The following VPS13B variants were observed in gnomAD, a reference collection of about 807,000 sequenced individuals.
The protein encoded by VPS13B is vacuolar protein sorting 13 homolog B.
Under a neutral mutation model 426.4 loss-of-function variants are expected in VPS13B, and 285 were observed. The observed-to-expected ratio is 0.67, with a 90% CI of 0.61 to 0.74. VPS13B has a LOEUF of 0.74. Among genes scored for constraint, VPS13B ranks in the 30% least tolerant of loss-of-function variants. The pLI is 0.00. For synonymous variants in VPS13B, 1,676 were observed against 1,676.4 expected (o/e 1.00, Z 0.01); for missense variants, 4,537 against 4,782.6 (o/e 0.95, Z 1.51).
chr8:99,351,418 AAGAGAGAG>A (rs141684691), intron 19 of VPS13B, among the ~76,000 whole-genome samples: 1 of 147,466 alleles, frequency 6.8e-6, no homozygotes, highest in African/African-American at 2.5e-5. Context: ...CTCCTTCCTC[AAGAGAGAG>A]AGAGAGAGAG....
rs527950476 is a variant in VPS13B at position 99,575,709 on chromosome 8, T to G, written c.5001T>G (p.Asp1667Glu). The change falls in exon 32 of 62, where the codon GAT (aspartate) becomes GAG (glutamate). Residue 1667 changes from aspartate (D) to glutamate (E), a missense_variant. Around this residue, in one of 2 missense-constraint regions of VPS13B, gnomAD observed 4,311 missense variants for 4,474.3 expected, o/e 0.96. Coordinates refer to ENST00000357162, the MANE Select transcript of VPS13B (RefSeq NM_152564.5). Reference protein sequence around the residue: ...RRAILTPVLTDFSVRITGAPA... With the variant: ...RRAILTPVLTEFSVRITGAPA... ...CAATTTTGACCCCCGTTTTGACAGATTTTTCTGTCCGAATAACTGGAGCAC... is the reference window on the plus strand; with the variant it reads ...CAATTTTGACCCCCGTTTTGACAGAGTTTTCTGTCCGAATAACTGGAGCAC... The G allele has an allele frequency of 6.2e-7, 1 of 1,613,864 alleles. No homozygotes were observed. Among genetic ancestry groups the G allele is most frequent in the Admixed American group, 1.7e-5 (1 of 59,966 alleles).
chr8:99,326,766 A>T (rs539186470), intron 19 of VPS13B, among the ~76,000 whole-genome samples: 1 of 152,098 alleles, frequency 6.6e-6, no homozygotes, highest in African/African-American at 2.4e-5. Flanking sequence ...ATCACAATTT[A>T]TTTTATCAAT....
intron 33 of VPS13B, among the ~76,000 whole-genome samples, chr8:99,633,055 C>G (rs1199088776): frequency 6.6e-6 from 1 of 151,932 alleles, no homozygotes; most frequent in Non-Finnish European, 1.5e-5. Context: ...ATTGCTTGAC[C>G]ATTGTCATCA....
At chr8:99,034,595 A>G (rs941638850) in intron 2 of VPS13B, among the ~76,000 whole-genome samples, 2 of 152,122 alleles carry the variant, frequency 1.3e-5, no homozygotes, top group African/African-American at 4.8e-5. Flanking sequence ...ACAACTTTCT[A>G]GACTACCAGT....
intron 2 of VPS13B, among the ~76,000 whole-genome samples, chr8:99,033,074 A>G: frequency 6.6e-6 from 1 of 152,198 alleles, no homozygotes; most frequent in East Asian, 1.9e-4. Flanking sequence ...AACCAGAAGA[A>G]CAAAGGAGAA....
At chr8:99,492,129 C>T (rs1281716291) in intron 25 of VPS13B, among the ~76,000 whole-genome samples, 1 of 152,144 alleles carries the variant, frequency 6.6e-6, no homozygotes, top group African/African-American at 2.4e-5. Flanking sequence ...TCCTCAGCTG[C>T]AGGTCTGTTG....
chr8:99,025,994 A>C (rs1019997251), intron 2 of VPS13B, among the ~76,000 whole-genome samples: 6 of 151,790 alleles, frequency 4.0e-5, no homozygotes, highest in African/African-American at 1.5e-4. Flanking sequence ...TTTGGTCTCT[A>C]TTTCATTTAT....
rs372994848 is a variant in VPS13B, at chr8:99,121,067, A to G, written c.938-110A>G. On this transcript the variant is annotated intron_variant, in intron 7 of 61. Coordinates refer to ENST00000357162, the MANE Select transcript of VPS13B (RefSeq NM_152564.5). ...GTAATAATCACTGTATCATTTGTTT[A>G]TACCTTATATTAGAAGGATATGGGA... 22 of 914,450 alleles carry G rather than the reference A, an allele frequency of 2.4e-5. No individual in the cohort carries two copies. In the East Asian group the frequency reaches 4.5e-4, roughly 19 times the overall value. The allele number at this position is 914,450 out of a possible 1,614,324, so 56.6% of individuals were successfully genotyped here.
chr8:99,668,355 CAAAA>C (rs35852232), intron 35 of VPS13B, among the ~76,000 whole-genome samples: 1 of 94,754 alleles, frequency 1.1e-5, no homozygotes, highest in Non-Finnish European at 2.2e-5. Flanking sequence ...GACCCTGTCT[CAAAA>C]AAAAAAAAAA....
In VPS13B at chr8:99,821,278, G is replaced by A. The variant is rs772319312; in HGVS notation, c.8995-16G>A. 3.9e-5 allele frequency: 63 copies of A among 1,612,670 alleles called. 1 individual carries two copies. In the Middle Eastern group the frequency reaches 8.2e-4, roughly 21 times the overall value. ...GGTAAGAAAATTACTTTATAATTGA[G>A]GCATTATTTTTCCAGGAAGCTTTTC... On this transcript the variant is annotated splice_polypyrimidine_tract_variant and intron_variant, in intron 49 of 61. Transcript: ENST00000357162.
At chr8:99,679,167 G>A (rs1308597501) in intron 35 of VPS13B, among the ~76,000 whole-genome samples, 3 of 151,932 alleles carry the variant, frequency 2.0e-5, no homozygotes, top group Non-Finnish European at 4.4e-5. Flanking sequence ...TTTTTCATAA[G>A]CAGATTAGTA....
chr8:99,581,994 T>C (rs1004914325), intron 33 of VPS13B, among the ~76,000 whole-genome samples: 4 of 152,278 alleles, frequency 2.6e-5, no homozygotes, highest in African/African-American at 9.6e-5. Context: ...TTACATGAGG[T>C]GAGAGTCAAC....
chr8:99,134,987 A>G lies in VPS13B; in HGVS notation c.1303-28A>G, dbSNP rs780333332. 6.6e-5 allele frequency: 106 copies of G among 1,612,572 alleles called. No homozygotes were observed. In the South Asian group the frequency reaches 8.7e-4, roughly 13 times the overall value. ...AACATTTTTATTAAATTCAATTCTTAGTTCTAATGTTTCCTTTCGTCTTAT... is the reference window on the plus strand; with the variant it reads ...AACATTTTTATTAAATTCAATTCTTGGTTCTAATGTTTCCTTTCGTCTTAT... On this transcript the variant is annotated intron_variant, in intron 9 of 61. Coordinates refer to ENST00000357162, the MANE Select transcript of VPS13B (RefSeq NM_152564.5).
chr8:99,060,674 T>G (rs1332979944), intron 3 of VPS13B, among the ~76,000 whole-genome samples: 1 of 152,106 alleles, frequency 6.6e-6, no homozygotes, highest in African/African-American at 2.4e-5. Context: ...AATCCTGAAA[T>G]TTATGGCATA....
chr8:99,156,825 T>A, intron 15 of VPS13B, 82 bp downstream of exon 15: 1 of 1,369,432 alleles, frequency 7.3e-7, no homozygotes, highest in Non-Finnish European at 1.0e-6. Context: ...CTTGATGTTG[T>A]AATTTCAGAG....
chr8:99,478,415 T>TTC (rs1277282296), intron 24 of VPS13B, among the ~76,000 whole-genome samples: 20 of 151,406 alleles, frequency 1.3e-4, no homozygotes, highest in African/African-American at 4.6e-4. Context: ...TCTTGATTTT[T>TTC]TTTTTTTTTG....
intron 59 of VPS13B, among the ~76,000 whole-genome samples, chr8:99,869,733 T>G (rs2130968161): frequency 6.6e-6 from 1 of 152,362 alleles, no homozygotes; most frequent in Middle Eastern, 3.4e-3. Context: ...CTCCCTTATG[T>G]AAGAGGATCT....
At chr8:99,715,080 CAAA>C (rs1206789065) in intron 36 of VPS13B, among the ~76,000 whole-genome samples, 1 of 150,106 alleles carries the variant, frequency 6.7e-6, no homozygotes, top group East Asian at 2.0e-4. Context: ...AAAGTTATTT[CAAA>C]ATAGAAAGCT....
intron 36 of VPS13B, among the ~76,000 whole-genome samples, chr8:99,712,913 G>C (rs573807212): frequency 2.0e-5 from 3 of 151,940 alleles, no homozygotes; most frequent in African/African-American, 7.3e-5. Flanking sequence ...ACGTTGGGGG[G>C]GTTAAGAAGA....
Sources: gnomAD v4.1 joint callset for allele counts (sites outside exome capture counted in the v4.1 genomes callset) on GRCh38, gnomAD v4.1.1 for gene constraint, gnomAD v4.1.1 regional missense constraint, MANE v1.5 for transcripts, NCBI Gene and HGNC (gene_info 2026-07-23, HGNC 2026-07-21) for gene names.